ATRNL1: variants seen among roughly 807,000 people sequenced by gnomAD.
ATRNL1 encodes attractin like 1.
Under a neutral mutation model 182.7 loss-of-function variants are expected in ATRNL1, and 95 were observed. That is an observed-to-expected ratio of 0.52 (90% CI 0.44 to 0.62). The LOEUF (loss-of-function observed/expected upper bound fraction) is 0.62, where lower values mean the gene tolerates loss of function less well. Ranked by LOEUF, ATRNL1 falls within the 20% of genes least tolerant of loss-of-function variation. The probability of loss-of-function intolerance (pLI) is 0.00; values close to 1 mark genes in which losing one functional copy is unlikely to be tolerated. For synonymous variants in ATRNL1, 576 were observed against 568.3 expected (o/e 1.01, Z -0.19); for missense variants, 1,471 against 1,679.5 (o/e 0.88, Z 2.17).
At chr10:115,497,847 G>A (rs999166981) in intron 24 of ATRNL1, among the ~76,000 whole-genome samples, 8 of 151,892 alleles carry the variant, frequency 5.3e-5, no homozygotes, top group Non-Finnish European at 8.8e-5. Context: ...TAGTAGAGAC[G>A]GGGTTTCGCC....
chr10:115,736,165 A>G (rs1555065521), intron 27 of ATRNL1, among the ~76,000 whole-genome samples: 2 of 151,478 alleles, frequency 1.3e-5, no homozygotes, highest in East Asian at 1.9e-4. Flanking sequence ...TGCGTGTTAA[A>G]CCTCTTTCCA....
chr10:115,300,338 G>T (rs1468445878), intron 16 of ATRNL1, 91 bp downstream of exon 16: 16 of 977,532 alleles, frequency 1.6e-5, no homozygotes, highest in Non-Finnish European at 2.0e-5. Flanking sequence ...CTTATTCTAT[G>T]ATATTTATGT....
chr10:115,253,440 C>T (rs532468707), intron 10 of ATRNL1, among the ~76,000 whole-genome samples: 135 of 152,210 alleles, frequency 8.9e-4, no homozygotes, highest in Admixed American at 9.2e-4. Context: ...TCACTGACAG[C>T]ACTGCTAGCA....
At chr10:115,861,725 T>C (rs1018802916) in intron 28 of ATRNL1, among the ~76,000 whole-genome samples, 5 of 152,198 alleles carry the variant, frequency 3.3e-5, no homozygotes, top group Admixed American at 6.5e-5. Context: ...TGTTATTTTT[T>C]TCCAGATATA....
chr10:115,879,640 A>G lies in ATRNL1; in HGVS notation c.4018+31649A>G, dbSNP rs576070288. 1.6e-3 allele frequency among the ~76,000 whole-genome samples: 248 copies of G among 152,326 alleles called. 10 individuals are homozygous for G. The South Asian group carries it at 0.049, about 30-fold the overall frequency. ...CTGGGGAAGCCCCTGACTGTGGTAA[A>G]TAAACAGAAAATAAAAACAATAGTA... On this transcript the variant is annotated intron_variant, in intron 28 of 28. Coordinates refer to ENST00000355044, the MANE Select transcript of ATRNL1 (RefSeq NM_207303.4).
intron 27 of ATRNL1, among the ~76,000 whole-genome samples, chr10:115,804,815 T>C (rs1462048603): frequency 1.3e-5 from 2 of 152,180 alleles, no homozygotes; most frequent in Non-Finnish European, 2.9e-5. Flanking sequence ...GGGGAGTTAA[T>C]TGGAACTATT....
chr10:115,394,863 T>C (rs1408772700), intron 20 of ATRNL1, 111 bp downstream of exon 20: 1 of 794,108 alleles, frequency 1.3e-6, no homozygotes, highest in Non-Finnish European at 2.0e-6. Flanking sequence ...ATACCTTTAT[T>C]ACAATTTTTA....
At chr10:115,290,876 G>C (rs1852868179) in intron 15 of ATRNL1, among the ~76,000 whole-genome samples, 1 of 152,172 alleles carries the variant, frequency 6.6e-6, no homozygotes, top group Non-Finnish European at 1.5e-5. Context: ...GAAGCTGGCT[G>C]CCCTACCTTA....
At chr10:115,230,720 A>G (rs1439373749) in intron 9 of ATRNL1, among the ~76,000 whole-genome samples, 1 of 152,068 alleles carries the variant, frequency 6.6e-6, no homozygotes, top group Non-Finnish European at 1.5e-5. Context: ...ACCATTTAGG[A>G]GGCTATTTTA....
chr10:115,358,594 G>A (rs1436930069), intron 19 of ATRNL1, among the ~76,000 whole-genome samples: 1 of 151,468 alleles, frequency 6.6e-6, no homozygotes, highest in Non-Finnish European at 1.5e-5. Context: ...TTAATTCTAA[G>A]CATTTAATAA....
intron 8 of ATRNL1, among the ~76,000 whole-genome samples, chr10:115,212,419 C>G (rs545673429): frequency 1.3e-5 from 2 of 151,738 alleles, no homozygotes; most frequent in African/African-American, 4.8e-5. Context: ...TTAGTTCAAC[C>G]ATTGTGGAAG....
chr10:115,202,069 G>A (rs1439181059), intron 8 of ATRNL1, among the ~76,000 whole-genome samples: 15 of 151,920 alleles, frequency 9.9e-5, no homozygotes, highest in Admixed American at 9.2e-4. Flanking sequence ...TGTGATTTTT[G>A]TACATTGATT....
chr10:115,374,425 C>T lies in ATRNL1; in HGVS notation c.3176-20234C>T, dbSNP rs935364357. On this transcript the variant is annotated intron_variant, in intron 19 of 28. Transcript: ENST00000355044. ...TTGGACTCAACTTTCTTTTCCTTCT[C>T]ATTCTCCTTCTCCTTCTCCTTCCTT... Among the ~76,000 whole-genome samples the T allele has an allele frequency of 2.0e-5, 3 of 149,586 alleles. No homozygotes were observed. The East Asian group carries it at 5.8e-4, about 29-fold the overall frequency.
intron 24 of ATRNL1, among the ~76,000 whole-genome samples, chr10:115,509,737 A>G (rs1850293439): frequency 6.6e-6 from 1 of 152,046 alleles, no homozygotes; most frequent in African/African-American, 2.4e-5. Context: ...TGGTCTAAGT[A>G]CAATAACCAT....
chr10:115,301,665 C>T (rs1308893257), intron 16 of ATRNL1, among the ~76,000 whole-genome samples, 190 bp from the exon 17 acceptor site: 1 of 152,134 alleles, frequency 6.6e-6, no homozygotes, highest in African/African-American at 2.4e-5. Context: ...AGGAGTTATA[C>T]ATTTTCAAAT....
chr10:115,720,598 G>A (rs532912695), intron 26 of ATRNL1, among the ~76,000 whole-genome samples: 47 of 152,190 alleles, frequency 3.1e-4, no homozygotes, highest in Non-Finnish European at 5.4e-4. Context: ...TTACATTGAA[G>A]TTATGATCTA....
intron 20 of ATRNL1, among the ~76,000 whole-genome samples, chr10:115,410,918 A>C (rs1001906996): frequency 6.6e-6 from 1 of 151,804 alleles, no homozygotes; most frequent in Admixed American, 6.6e-5. Flanking sequence ...TTGTATGTTT[A>C]GTAGAGACAG....
intron 28 of ATRNL1, among the ~76,000 whole-genome samples, chr10:115,873,956 C>T (rs1951641836): frequency 6.6e-6 from 1 of 152,098 alleles, no homozygotes; most frequent in Non-Finnish European, 1.5e-5. Context: ...TGGCTAATGA[C>T]AAGGTTCTGG....
intron 28 of ATRNL1, among the ~76,000 whole-genome samples, chr10:115,893,614 CT>C (rs1327209277): frequency 2.0e-5 from 3 of 152,104 alleles, no homozygotes; most frequent in Non-Finnish European, 4.4e-5. Context: ...AGCATAAGCA[CT>C]TTGGGTGCAG....
Sources: gnomAD v4.1 joint callset for allele counts (sites outside exome capture counted in the v4.1 genomes callset) on GRCh38, gnomAD v4.1.1 for gene constraint, MANE v1.5 for transcripts, NCBI Gene and HGNC (gene_info 2026-07-23, HGNC 2026-07-21) for gene names.